Variants in EIF3B observed in about 807,000 individuals in gnomAD.
EIF3B encodes the protein eukaryotic translation initiation factor 3 subunit 9.
A neutral mutation model predicts 104.6 loss-of-function variants in EIF3B; 10 were observed. That is an observed-to-expected ratio of 0.10 (90% CI 0.06 to 0.16). The LOEUF is 0.16. EIF3B is among the 10% of genes least tolerant of loss of function. EIF3B has a pLI of 1.00. For missense variants in EIF3B, 1,014 were observed against 1,087.9 expected (o/e 0.93, Z 0.96); for synonymous variants, 542 against 417.2 (o/e 1.30, Z -3.65).
At chr7:2,371,127 C>T (rs1474458593) in intron 10 of EIF3B, among the ~76,000 whole-genome samples, 1 of 152,196 alleles carries the variant, frequency 6.6e-6, no homozygotes, top group Non-Finnish European at 1.5e-5. Context: ...TGTTAGCAGC[C>T]TCTCCGCCCA....
rs889421367 is a variant in EIF3B, at chr7:2,375,282, C to T, written c.1890-107C>T. 20 of 1,453,056 alleles carry T rather than the reference C, an allele frequency of 1.4e-5. No homozygotes were observed. In the African/African-American group the frequency reaches 1.8e-4, roughly 13 times the overall value. The allele number at this position is 1,453,056 out of a possible 1,614,324, so 90.0% of individuals were successfully genotyped here. On this transcript the variant is annotated intron_variant, in intron 13 of 18. Coordinates refer to ENST00000360876, the MANE Select transcript of EIF3B (RefSeq NM_001037283.2). ...GTTGCTGTGCTTGTTTCCATGTTAACGCCGAGGCTGGCTCCCTGGGGACCC... is the reference window on the plus strand; with the variant it reads ...GTTGCTGTGCTTGTTTCCATGTTAATGCCGAGGCTGGCTCCCTGGGGACCC...
At chr7:2,379,576 G>A (rs1356035735) in intron 18 of EIF3B, 65 bp downstream of exon 18, 23 of 1,035,604 alleles carry the variant, frequency 2.2e-5, no homozygotes, top group Non-Finnish European at 2.9e-5. Flanking sequence ...AGTTATCCCC[G>A]TCACTGAGGA....
intron 16 of EIF3B, 134 bp downstream of exon 16, chr7:2,378,900 G>T (rs1225841391): frequency 6.9e-6 from 6 of 868,412 alleles, no homozygotes; most frequent in Non-Finnish European, 1.1e-5. Flanking sequence ...TCCCCCCCAG[G>T]AGGGATGCAC....
At chr7:2,363,433 A>T (rs1214342568) in intron 4 of EIF3B, among the ~76,000 whole-genome samples, 199 bp from the exon 5 acceptor site, 1 of 151,976 alleles carries the variant, frequency 6.6e-6, no homozygotes, top group East Asian at 1.9e-4. Context: ...TGATTGTGCC[A>T]CTGGACTCCA....
intron 9 of EIF3B, among the ~76,000 whole-genome samples, chr7:2,368,363 C>G (rs1780144911): frequency 6.6e-6 from 1 of 151,980 alleles, no homozygotes; most frequent in Non-Finnish European, 1.5e-5. Flanking sequence ...CCAGGCTGGT[C>G]TCGAACTCCT....
chr7:2,362,549 C>T lies in EIF3B; in HGVS notation c.693-96C>T. ...GGAAGAGCAGCACAGATACTCCTGG[C>T]ACCGAGGGCTTGTCCGTGGAGAGGG... On this transcript the variant is annotated intron_variant, in intron 2 of 18. Coordinates refer to ENST00000360876, the MANE Select transcript of EIF3B (RefSeq NM_001037283.2). 6 of 1,486,308 alleles carry T rather than the reference C, an allele frequency of 4.0e-6. No homozygotes were observed. The Admixed American group carries it at 8.8e-5, about 22-fold the overall frequency. The allele number at this position is 1,486,308 out of a possible 1,614,324, so 92.1% of individuals were successfully genotyped here. A position where few individuals can be genotyped will look rare whatever the true frequency, so the allele number is the denominator to read the frequency against.
rs111701262 is a variant in EIF3B at position 2,376,930 on chromosome 7, G to A, written c.2029-20G>A. 102 of 1,610,494 alleles carry A rather than the reference G, an allele frequency of 6.3e-5. 2 individuals carry two copies. The African/African-American group carries it at 9.2e-4, about 15-fold the overall frequency. On this transcript the variant is annotated intron_variant, in intron 14 of 18. Coordinates refer to ENST00000360876, the MANE Select transcript of EIF3B (RefSeq NM_001037283.2). ...CTCTCTGACCCCTCTGTGTCCTGGT[G>A]TGTCCCTGCCCTGGCCTAGGTGGAC...
At chr7:2,355,457 G>T (rs1778345251) in intron 1 of EIF3B, 37 bp downstream of exon 1, 1 of 1,411,820 alleles carries the variant, frequency 7.1e-7, no homozygotes, top group Non-Finnish European at 9.2e-7. Flanking sequence ...GAGCGGCGCG[G>T]GAGCGTGGCT....
At chr7:2,367,084 G>A (rs745762984) in intron 9 of EIF3B, 39 bp downstream of exon 9, 5 of 1,535,522 alleles carry the variant, frequency 3.3e-6, no homozygotes, top group Admixed American at 3.8e-5. Flanking sequence ...AGTGTGTTCA[G>A]GCTGCTTAAC....
At chr7:2,369,392 G>T (rs991851821) in intron 9 of EIF3B, 80 bp from the exon 10 acceptor site, 28 of 1,445,004 alleles carry the variant, frequency 1.9e-5, no homozygotes, top group Admixed American at 3.5e-5. Flanking sequence ...TATAGCAAAT[G>T]AGTTGTTCTA....
Position 2,379,121 on chromosome 7 carries a change from A to C in EIF3B, c.2233-13A>C, listed in dbSNP as rs981594021. 1.2e-6 allele frequency: 2 copies of C among 1,612,426 alleles called. No homozygotes were observed. The highest frequency in any genetic ancestry group is 1.7e-6 in the Non-Finnish European group (2 of 1,179,028). On this transcript the variant is annotated splice_polypyrimidine_tract_variant and intron_variant, in intron 16 of 18. Transcript: ENST00000360876. ...TCTTACCAGTTCTGTGCTTTCCCCAACCTCATGCATAGGAATTGGTGGAGA... is the reference window on the plus strand; with the variant it reads ...TCTTACCAGTTCTGTGCTTTCCCCACCCTCATGCATAGGAATTGGTGGAGA...
intron 2 of EIF3B, 103 bp from the exon 3 acceptor site, chr7:2,362,542 C>A: frequency 1.4e-6 from 2 of 1,444,014 alleles, no homozygotes; most frequent in South Asian, 2.5e-5. Context: ...AGCACAGATA[C>A]TCCTGGCACC....
intron 10 of EIF3B, 123 bp downstream of exon 10, chr7:2,369,805 T>C: frequency 6.8e-5 from 48 of 703,158 alleles, no homozygotes; most frequent in Middle Eastern, 4.2e-4. Flanking sequence ...TGAGATGGAG[T>C]CTCACTCTGT....
At chr7:2,363,908 C>G in intron 5 of EIF3B, 148 bp downstream of exon 5, 2 of 948,988 alleles carry the variant, frequency 2.1e-6, no homozygotes, top group Non-Finnish European at 3.0e-6. Context: ...TCTTTTATTC[C>G]TCTTCCAGCT....
chr7:2,375,402 T>C lies in EIF3B; in HGVS notation c.1903T>C (p.Leu635=). 1 of 1,614,216 alleles carries C rather than the reference T, an allele frequency of 6.2e-7. No individual in the cohort carries two copies. The highest frequency in any genetic ancestry group is 8.5e-7 in the Non-Finnish European group (1 of 1,180,022). ...LAGLRSMNGA[L]AFVDTSDCTV... ...CTGTCTTTGCAGTATGAACGGTGCCTTAGCGTTTGTGGACACTTCGGACTG... is the reference window on the plus strand; with the variant it reads ...CTGTCTTTGCAGTATGAACGGTGCCCTAGCGTTTGTGGACACTTCGGACTG... The change falls in exon 14 of 19, where the codon TTA becomes CTA. Residue 635 remains leucine (L), a synonymous_variant. Transcript: ENST00000360876.
chr7:2,379,641 G>T, intron 18 of EIF3B, 130 bp downstream of exon 18: 1 of 662,544 alleles, frequency 1.5e-6, no homozygotes, highest in Non-Finnish European at 2.6e-6. Context: ...ATGTGCCCAG[G>T]GTTAGCTGAG....
chr7:2,355,555 C>A, intron 1 of EIF3B, 135 bp downstream of exon 1: 1 of 1,245,794 alleles, frequency 8.0e-7, no homozygotes, highest in Non-Finnish European at 1.1e-6. Flanking sequence ...TCCTGAGAAG[C>A]CACCGAGGGA....
At chr7:2,357,112 C>T (rs1439586387) in intron 1 of EIF3B, among the ~76,000 whole-genome samples, 1 of 152,120 alleles carries the variant, frequency 6.6e-6, no homozygotes, top group East Asian at 1.9e-4. Flanking sequence ...TTATTTTGAG[C>T]CCTTGGATAT....
At chr7:2,377,138 T>C in intron 15 of EIF3B, 63 bp downstream of exon 15, 2 of 1,535,538 alleles carry the variant, frequency 1.3e-6, no homozygotes, top group Non-Finnish European at 1.8e-6. Flanking sequence ...TGAAAAGGTG[T>C]CAGTTTTTTC....
Sources: allele counts gnomAD v4.1 joint callset (sites outside exome capture counted in the v4.1 genomes callset), GRCh38; gene constraint gnomAD v4.1.1; transcripts MANE v1.5; gene names NCBI Gene and HGNC (gene_info 2026-07-23, HGNC 2026-07-21).